THUMPD2: variants seen among roughly 807,000 people sequenced by gnomAD.
THUMPD2 encodes U6 snRNA (guanine-N(2))-methyltransferase THUMPD2.
A neutral mutation model predicts 49.4 loss-of-function variants in THUMPD2; 56 were observed. The ratio of observed to expected loss-of-function variants is 1.13; its 90% CI spans 0.91 to 1.41. The LOEUF is 1.41. Ranked by LOEUF, THUMPD2 falls within the 40% of genes most tolerant of loss-of-function variation. THUMPD2 has a pLI of 0.00. For missense variants in THUMPD2, 709 were observed against 594.5 expected (o/e 1.19, Z -2.00); for synonymous variants, 237 against 205.2 (o/e 1.15, Z -1.32).
chr2:39,771,989 A>G (rs1476305154), intron 1 of THUMPD2, among the ~76,000 whole-genome samples: 1 of 152,248 alleles, frequency 6.6e-6, no homozygotes, highest in Non-Finnish European at 1.5e-5. Context: ...ACTGACATAC[A>G]CATTAAAACA....
intron 9 of THUMPD2, among the ~76,000 whole-genome samples, chr2:39,739,740 G>A (rs1200637760): frequency 1.3e-5 from 2 of 152,208 alleles, no homozygotes; most frequent in Admixed American, 6.5e-5. Flanking sequence ...TGAGAAGTGG[G>A]CAGAGTGTGA....
chr2:39,778,511 C>T (rs1194286023), intron 1 of THUMPD2, among the ~76,000 whole-genome samples: 2 of 152,324 alleles, frequency 1.3e-5, no homozygotes, highest in East Asian at 1.9e-4. Flanking sequence ...TACCTTCATC[C>T]CCTACTTTCA....
At chr2:39,765,258 C>T (rs1677359865) in intron 5 of THUMPD2, among the ~76,000 whole-genome samples, 2 of 152,098 alleles carry the variant, frequency 1.3e-5, no homozygotes, top group African/African-American at 2.4e-5. Context: ...CTCCTGGGTT[C>T]AAGTGATTCT....
At chr2:39,749,271 G>GT (rs1326608734) in intron 8 of THUMPD2, among the ~76,000 whole-genome samples, 1 of 152,134 alleles carries the variant, frequency 6.6e-6, no homozygotes, top group Non-Finnish European at 1.5e-5. Flanking sequence ...TTCGAAGAGA[G>GT]TAAAAAAGAA....
In THUMPD2 at chr2:39,755,293, A is replaced by G; in HGVS notation, c.1078+2T>C. On this transcript the variant is annotated splice_donor_variant, in intron 8 of 9. Transcript: ENST00000505747. LOFTEE classifies it high-confidence loss of function. ...AATTGTTTTGCATTTTTAGTATCTTACCTATAACAGAGATTTTAAGTAATT... is the reference window on the plus strand; with the variant it reads ...AATTGTTTTGCATTTTTAGTATCTTGCCTATAACAGAGATTTTAAGTAATT... 1 of 1,522,538 alleles carries G rather than the reference A, an allele frequency of 6.6e-7. No individual in the cohort carries two copies. The highest frequency in any genetic ancestry group is 8.8e-7 in the Non-Finnish European group (1 of 1,137,022). 94.3% of individuals were successfully genotyped at this position (1,522,538 alleles called of 1,614,324 possible).
chr2:39,779,014 A>G, intron 1 of THUMPD2, 100 bp downstream of exon 1: 1 of 1,330,266 alleles, frequency 7.5e-7, no homozygotes, highest in Non-Finnish European at 9.6e-7. Context: ...TGGAACAGAG[A>G]GGGGCGCCAG....
intron 8 of THUMPD2, among the ~76,000 whole-genome samples, chr2:39,751,137 C>T (rs1675344021): frequency 6.6e-6 from 1 of 152,262 alleles, no homozygotes; most frequent in Non-Finnish European, 1.5e-5. Context: ...AATGGGCAGC[C>T]TGGCAGCTTC....
intron 1 of THUMPD2, among the ~76,000 whole-genome samples, chr2:39,778,748 G>T (rs982537316): frequency 2.0e-5 from 3 of 152,208 alleles, no homozygotes; most frequent in African/African-American, 7.2e-5. Flanking sequence ...AAAAAGTCAG[G>T]TAACTGAACT....
Position 39,779,212 on chromosome 2 carries a change from ACCCTGGCTCTCCACGC to A in THUMPD2, c.12_27del (p.Arg5ProfsTer21). The A allele has an allele frequency of 6.6e-7, 1 of 1,504,526 alleles. No homozygotes were observed. The highest frequency in any genetic ancestry group is 8.8e-7 in the Non-Finnish European group (1 of 1,132,650). The allele number at this position is 1,504,526 out of a possible 1,614,324, so 93.2% of individuals were successfully genotyped here. On this transcript the variant is annotated frameshift_variant, in exon 1 of 10. Coordinates refer to ENST00000505747, the MANE Select transcript of THUMPD2 (RefSeq NM_025264.5). LOFTEE classifies it high-confidence loss of function. The stretch of plus-strand genomic sequence containing the variant: ...AATCGGGCGCCAGCCTCAGGCCCGG[ACCCTGGCTCTCCACGC>A]GCCTCCGACATGGCGGCTCAGGCGC...
chr2:39,746,918 T>C (rs1406594215), intron 8 of THUMPD2, among the ~76,000 whole-genome samples: 4 of 152,216 alleles, frequency 2.6e-5, no homozygotes, highest in African/African-American at 9.6e-5. Flanking sequence ...ATAATATTCA[T>C]ATTCTGTCTC....
At chr2:39,739,455 C>T (rs961018263) in intron 9 of THUMPD2, among the ~76,000 whole-genome samples, 1 of 152,154 alleles carries the variant, frequency 6.6e-6, no homozygotes, top group African/African-American at 2.4e-5. Flanking sequence ...GCTAGGGTAG[C>T]CACTACTTTT....
In THUMPD2 at chr2:39,736,658, T is replaced by C. The variant is rs1231690015; in HGVS notation, c.*77A>G. On this transcript the variant is annotated 3_prime_UTR_variant, in exon 10 of 10. Coordinates refer to ENST00000505747, the MANE Select transcript of THUMPD2 (RefSeq NM_025264.5). ...TACTTGGAGCTCTGTGGGTGCTATA[T>C]GAATCCTAGAGACAGCAAACTTCTG... is the stretch of plus-strand genomic sequence containing the variant. 2.8e-5 allele frequency: 38 copies of C among 1,365,298 alleles called. No individual in the cohort carries two copies. Among genetic ancestry groups the C allele is most frequent in the Non-Finnish European group, 3.7e-5 (37 of 1,013,662 alleles). The allele number at this position is 1,365,298 out of a possible 1,614,324, so 84.6% of individuals were successfully genotyped here.
chr2:39,739,300 TC>T lies in THUMPD2; in HGVS notation c.1188-2242del, dbSNP rs1673576847. ...GCCTGCTTTCTTTGCTTACTGACCT[TC>T]CTTCAGCTGCTCAAACTCACCAAGC... is the stretch of plus-strand genomic sequence containing the variant. On this transcript the variant is annotated intron_variant, in intron 9 of 9. Coordinates refer to ENST00000505747, the MANE Select transcript of THUMPD2 (RefSeq NM_025264.5). 2.0e-5 allele frequency among the ~76,000 whole-genome samples: 3 copies of T among 152,148 alleles called. No homozygotes were observed. In the South Asian group the frequency reaches 6.2e-4, roughly 32 times the overall value.
intron 6 of THUMPD2, among the ~76,000 whole-genome samples, chr2:39,759,900 C>G (rs1174272186): frequency 6.6e-6 from 1 of 152,110 alleles, no homozygotes; most frequent in Non-Finnish European, 1.5e-5. Context: ...AGGAAAATAC[C>G]TAAGACAAGA....
intron 5 of THUMPD2, among the ~76,000 whole-genome samples, chr2:39,765,764 T>C (rs1218039952): frequency 2.0e-5 from 3 of 152,102 alleles, no homozygotes; most frequent in Non-Finnish European, 4.4e-5. Flanking sequence ...CTTTTAGGTA[T>C]AGGTATAGGG....
intron 8 of THUMPD2, among the ~76,000 whole-genome samples, chr2:39,747,539 A>G (rs1227432590): frequency 6.6e-6 from 1 of 152,160 alleles, no homozygotes; most frequent in African/African-American, 2.4e-5. Context: ...TATGCTCTTT[A>G]TTTTATATGA....
intron 4 of THUMPD2, among the ~76,000 whole-genome samples, chr2:39,767,464 C>A (rs187363362): frequency 0.026 from 3,970 of 150,276 alleles, 76 homozygotes; most frequent in South Asian, 0.037. Context: ...ATTAGCCGGG[C>A]GTAGTGGCGG....
At chr2:39,748,849 A>G (rs1017744083) in intron 8 of THUMPD2, among the ~76,000 whole-genome samples, 6 of 151,972 alleles carry the variant, frequency 3.9e-5, no homozygotes, top group African/African-American at 7.2e-5. Flanking sequence ...CATGGTGGTG[A>G]GTACCTCCTA....
intron 1 of THUMPD2, 150 bp from the exon 2 acceptor site, chr2:39,771,790 T>C (rs931273052): frequency 6.1e-6 from 5 of 816,398 alleles, no homozygotes; most frequent in Non-Finnish European, 7.5e-6. Context: ...GAACACTGAA[T>C]AAGTATTTTC....
Sources: allele counts gnomAD v4.1 joint callset (sites outside exome capture counted in the v4.1 genomes callset), GRCh38; gene constraint gnomAD v4.1.1; transcripts MANE v1.5; gene names NCBI Gene and HGNC (gene_info 2026-07-23, HGNC 2026-07-21).